Variants in PRKG1 observed in about 807,000 individuals in gnomAD.
PRKG1 encodes the protein cGMP-dependent protein kinase 1.
In PRKG1, 35 loss-of-function variants were observed where a neutral mutation model predicts 88.1. The ratio of observed to expected loss-of-function variants is 0.40; its 90% CI spans 0.30 to 0.53. The LOEUF is 0.53. Ranked by LOEUF, PRKG1 falls within the 20% of genes least tolerant of loss-of-function variation. The pLI is 0.59. For missense variants in PRKG1, 540 were observed against 839.8 expected, an observed-to-expected ratio of 0.64 and a Z score of 4.41; for synonymous variants, 303 against 292.5, an observed-to-expected ratio of 1.04 and a Z score of -0.37.
At chr10:51,840,172 T>G (rs1233282419) in intron 4 of PRKG1, among the ~76,000 whole-genome samples, 1 of 152,154 alleles carries the variant, frequency 6.6e-6, no homozygotes, top group African/African-American at 2.4e-5. Flanking sequence ...AGAACAGTGG[T>G]GTACATAAAT....
intron 4 of PRKG1, among the ~76,000 whole-genome samples, chr10:51,859,831 C>A (rs1393259869): frequency 6.6e-6 from 1 of 152,156 alleles, no homozygotes; most frequent in Admixed American, 6.5e-5. Context: ...TGTTCCAATA[C>A]TTTTCATTGT....
intron 8 of PRKG1, among the ~76,000 whole-genome samples, chr10:52,148,917 C>T (rs79538772): frequency 0.017 from 2,449 of 142,686 alleles, 46 homozygotes; most frequent in East Asian, 0.057. Context: ...GGAAAAGCAG[C>T]TTCTTCACAC....
intron 3 of PRKG1, among the ~76,000 whole-genome samples, chr10:51,470,993 G>T (rs1007931909): frequency 1.3e-5 from 2 of 151,808 alleles, no homozygotes; most frequent in African/African-American, 4.8e-5. Context: ...AAACCACAGT[G>T]ATATAGAAAG....
intron 2 of PRKG1, among the ~76,000 whole-genome samples, chr10:51,440,201 ATT>A (rs34652760): frequency 7.3e-5 from 11 of 150,174 alleles, no homozygotes; most frequent in Admixed American, 6.0e-4. Context: ...GTGCAGTTTG[ATT>A]TTTTTTTTAA....
intron 2 of PRKG1, among the ~76,000 whole-genome samples, chr10:51,329,991 A>T (rs1457732362): frequency 8.9e-5 from 13 of 146,814 alleles, no homozygotes; most frequent in Admixed American, 6.1e-4. Flanking sequence ...TTAGATACTT[A>T]CATCATTCTC....
In PRKG1 at chr10:51,565,302, C is replaced by T. The variant is rs557822254; in HGVS notation, c.592+97466C>T. 3.9e-5 allele frequency among the ~76,000 whole-genome samples: 6 copies of T among 152,214 alleles called. No individual in the cohort carries two copies. The East Asian group carries it at 9.7e-4, about 25-fold the overall frequency. ...AAGCTCTTTGTCTTCATACTGTCCT[C>T]ACATTGCTGAGGGAGCTCTGATGAG... On this transcript the variant is annotated intron_variant, in intron 3 of 17. Transcript: ENST00000373980.
chr10:52,128,090 G>T (rs1837149049), intron 7 of PRKG1: 4 of 985,234 alleles, frequency 4.1e-6, no homozygotes, highest in Non-Finnish European at 4.8e-6. Context: ...GAGATGAAAA[G>T]AATTTGCTTT....
intron 3 of PRKG1, among the ~76,000 whole-genome samples, chr10:51,690,068 G>A (rs1263584759): frequency 6.6e-6 from 1 of 152,150 alleles, no homozygotes; most frequent in Non-Finnish European, 1.5e-5. Flanking sequence ...GGAGACCTCA[G>A]GGAACTTAGA....
At chr10:52,185,862 C>G (rs965827955) in intron 9 of PRKG1, among the ~76,000 whole-genome samples, 5 of 152,282 alleles carry the variant, frequency 3.3e-5, no homozygotes, top group African/African-American at 1.2e-4. Context: ...AAAGATGGAG[C>G]CAGAGCAGCC....
chr10:52,007,609 C>A lies in PRKG1; in HGVS notation c.763-46875C>A, dbSNP rs74703754. 6.7e-3 allele frequency among the ~76,000 whole-genome samples: 1,018 copies of A among 152,262 alleles called. 7 individuals carry two copies. The highest frequency in any genetic ancestry group is 0.022 in the African/African-American group (932 of 41,546). On this transcript the variant is annotated intron_variant, in intron 5 of 17. Transcript: ENST00000373980. Reference sequence around the variant, plus strand: ...AATATATGTGCACCCAATATAGGAACACCCAGATTCACAAAGCACATTCTT... The same window carrying A: ...AATATATGTGCACCCAATATAGGAAAACCCAGATTCACAAAGCACATTCTT...
intron 2 of PRKG1, among the ~76,000 whole-genome samples, chr10:51,287,631 T>A (rs1006833509): frequency 2.0e-5 from 3 of 152,188 alleles, no homozygotes; most frequent in African/African-American, 7.2e-5. Context: ...GGGAATGTCC[T>A]GGATAGGACT....
intron 3 of PRKG1, among the ~76,000 whole-genome samples, chr10:51,472,411 T>A (rs1840070651): frequency 6.6e-6 from 1 of 151,948 alleles, no homozygotes; most frequent in Non-Finnish European, 1.5e-5. Context: ...TTGCTGTAAA[T>A]ACTTTTACAT....
chr10:51,039,372 G>C (rs1843391990), intron 1 of PRKG1, among the ~76,000 whole-genome samples: 1 of 152,134 alleles, frequency 6.6e-6, no homozygotes, highest in Non-Finnish European at 1.5e-5. Flanking sequence ...TTTGCCATTT[G>C]TATGTCTTCT....
chr10:51,773,614 A>G (rs1838361226), intron 3 of PRKG1, among the ~76,000 whole-genome samples: 1 of 152,132 alleles, frequency 6.6e-6, no homozygotes, highest in African/African-American at 2.4e-5. Flanking sequence ...CCTCTTTCCT[A>G]TAAAATTTAG....
intron 9 of PRKG1, among the ~76,000 whole-genome samples, chr10:52,163,956 A>G (rs979312338): frequency 3.9e-5 from 6 of 152,214 alleles, no homozygotes; most frequent in East Asian, 1.9e-4. Context: ...GATTTTGGTC[A>G]TGAATATTAA....
intron 7 of PRKG1, among the ~76,000 whole-genome samples, chr10:52,115,807 G>A (rs996525634): frequency 6.6e-5 from 10 of 152,122 alleles, no homozygotes; most frequent in Non-Finnish European, 1.0e-4. Flanking sequence ...CTGGCTCAGG[G>A]TGTATATTCA....
At chr10:51,123,660 T>G (rs536687992) in intron 1 of PRKG1, among the ~76,000 whole-genome samples, 1 of 149,566 alleles carries the variant, frequency 6.7e-6, no homozygotes, top group Non-Finnish European at 1.5e-5. Flanking sequence ...GCCACTGCAC[T>G]CTATCCTGGG....
intron 5 of PRKG1, among the ~76,000 whole-genome samples, chr10:51,926,184 G>A (rs1842570866): frequency 6.6e-6 from 1 of 152,156 alleles, no homozygotes; most frequent in Non-Finnish European, 1.5e-5. Context: ...GTGGTCAGAA[G>A]TGTGCAATCA....
At chr10:51,807,763 G>C (rs1839343902) in intron 4 of PRKG1, among the ~76,000 whole-genome samples, 1 of 152,160 alleles carries the variant, frequency 6.6e-6, no homozygotes, top group South Asian at 2.1e-4. Context: ...AGAAAAGCAG[G>C]GGAAGGTTAA....
Sources: allele counts gnomAD v4.1 joint callset (sites outside exome capture counted in the v4.1 genomes callset), GRCh38; gene constraint gnomAD v4.1.1; transcripts MANE v1.5; gene names NCBI Gene and HGNC (gene_info 2026-07-23, HGNC 2026-07-21).